The following GOLM2 variants were observed in gnomAD, a reference collection of about 807,000 sequenced individuals.
GOLM2 encodes golgi membrane protein 2.
GOLM2 carries 26 observed loss-of-function variants against 55.9 expected under a neutral mutation model. The observed-to-expected ratio is 0.47, with a 90% confidence interval of 0.34 to 0.65. The LOEUF (loss-of-function observed/expected upper bound fraction) is 0.65, where lower values mean the gene tolerates loss of function less well. GOLM2 is among the 30% of genes least tolerant of loss of function. The probability of loss-of-function intolerance (pLI) is 0.01; values close to 1 mark genes in which losing one functional copy is unlikely to be tolerated. For synonymous variants in GOLM2, 165 were observed against 194.6 expected, an observed-to-expected ratio of 0.85 and a Z score of 1.27; for missense variants, 486 against 531.8, an observed-to-expected ratio of 0.91 and a Z score of 0.85.
chr15:44,328,726 G>T lies in GOLM2; in HGVS notation c.424G>T (p.Asp142Tyr). The change falls in exon 3 of 10, where the codon GAC (aspartate) becomes TAC (tyrosine). Residue 142 changes from aspartate to tyrosine, a missense_variant. Transcript: ENST00000299957. Reference sequence around the variant, plus strand: ...TCGTCAGGAATTTCTTCGACAAGAAGACCAGCTTCAGGACTATAGGAAGAA... The same window carrying T: ...TCGTCAGGAATTTCTTCGACAAGAATACCAGCTTCAGGACTATAGGAAGAA... ...ELRQEFLRQEDQLQDYRKNNT... is the reference protein window; with the variant it reads ...ELRQEFLRQEYQLQDYRKNNT... 6.2e-7 allele frequency: 1 copy of T among 1,613,360 alleles called. No homozygotes were observed. Among genetic ancestry groups the T allele is most frequent in the South Asian group, 1.1e-5 (1 of 90,874 alleles).
At chr15:44,395,730 C>A (rs575704839) in intron 8 of GOLM2, among the ~76,000 whole-genome samples, 1 of 151,910 alleles carries the variant, frequency 6.6e-6, no homozygotes, top group African/African-American at 2.4e-5. Context: ...GTCCCACCTA[C>A]TCAGGAGGCT....
chr15:44,373,566 C>T (rs2141187774), intron 6 of GOLM2, among the ~76,000 whole-genome samples: 1 of 147,210 alleles, frequency 6.8e-6, no homozygotes, highest in African/African-American at 2.5e-5. Context: ...CCAGCCTAGC[C>T]AACATGGTGA....
intron 1 of GOLM2, among the ~76,000 whole-genome samples, chr15:44,313,684 G>C (rs1006068365): frequency 6.6e-5 from 10 of 152,088 alleles, no homozygotes; most frequent in African/African-American, 2.4e-4. Context: ...TTTGTGACTG[G>C]CTGACTGACT....
intron 6 of GOLM2, among the ~76,000 whole-genome samples, chr15:44,359,932 A>T (rs1698908522): frequency 6.6e-6 from 1 of 152,054 alleles, no homozygotes. Context: ...TCAACCCAGA[A>T]TTTCATATCC....
At chr15:44,382,340 CT>C (rs1469478890) in intron 8 of GOLM2, 1 of 151,772 alleles carries the variant, frequency 6.6e-6, no homozygotes, top group African/African-American at 2.4e-5. Context: ...TGGAGTCTCA[CT>C]CTGTCACCCA....
intron 6 of GOLM2, among the ~76,000 whole-genome samples, chr15:44,378,019 A>G (rs1233983905): frequency 1.3e-5 from 2 of 149,270 alleles, no homozygotes; most frequent in Non-Finnish European, 3.0e-5. Context: ...AAGTATATAT[A>G]TATATTTTTT....
intron 1 of GOLM2, among the ~76,000 whole-genome samples, chr15:44,292,182 T>TAC (rs2078725065): frequency 6.8e-6 from 1 of 147,374 alleles, no homozygotes; most frequent in South Asian, 2.1e-4. Flanking sequence ...TGTGTATACA[T>TAC]ACATATATAT....
intron 6 of GOLM2, 67 bp from the exon 7 acceptor site, chr15:44,379,618 GTTTTT>G (rs559031072): frequency 4.4e-5 from 19 of 428,308 alleles, no homozygotes; most frequent in East Asian, 8.8e-5. Flanking sequence ...ATTCACGGTG[GTTTTT>G]TTTTTTTTTT....
chr15:44,395,433 C>T (rs769392169), intron 8 of GOLM2, among the ~76,000 whole-genome samples: 4 of 151,798 alleles, frequency 2.6e-5, no homozygotes, highest in Non-Finnish European at 4.4e-5. Context: ...TTAAAATATA[C>T]GGCCTAGTTT....
chr15:44,392,207 T>C (rs898541303), intron 8 of GOLM2, among the ~76,000 whole-genome samples: 1 of 151,732 alleles, frequency 6.6e-6, no homozygotes. Context: ...TTTCAGAGAA[T>C]TGAAAAGGAA....
chr15:44,400,577 T>G (rs78851975), intron 8 of GOLM2, among the ~76,000 whole-genome samples: 1 of 124,704 alleles, frequency 8.0e-6, no homozygotes, highest in African/African-American at 3.5e-5. Context: ...TTGCCGCCTT[T>G]TTTTTTTTTT....
chr15:44,306,346 C>T (rs7162802), intron 1 of GOLM2, among the ~76,000 whole-genome samples: 7,872 of 151,972 alleles, frequency 0.052, 329 homozygotes, highest in East Asian at 0.19. Context: ...TGCTGGCTTC[C>T]GACTTTTCTT....
intron 1 of GOLM2, among the ~76,000 whole-genome samples, chr15:44,300,055 G>T (rs1360663111): frequency 6.7e-6 from 1 of 149,364 alleles, no homozygotes; most frequent in Non-Finnish European, 1.5e-5. Flanking sequence ...AGCTATGATT[G>T]TGCCACTGTG....
intron 9 of GOLM2, among the ~76,000 whole-genome samples, chr15:44,413,022 C>T (rs944328123): frequency 9.2e-5 from 14 of 151,434 alleles, no homozygotes; most frequent in African/African-American, 3.4e-4. Flanking sequence ...AAAAAGACTA[C>T]ATTTATATAA....
intron 1 of GOLM2, among the ~76,000 whole-genome samples, chr15:44,292,353 T>G (rs1452359832): frequency 5.3e-5 from 8 of 151,500 alleles, no homozygotes; most frequent in South Asian, 4.2e-4. Flanking sequence ...CCCACCTCCA[T>G]GCCCGGCTAA....
At chr15:44,311,386 T>A (rs190548419) in intron 1 of GOLM2, among the ~76,000 whole-genome samples, 2 of 152,106 alleles carry the variant, frequency 1.3e-5, no homozygotes, top group Admixed American at 6.5e-5. Context: ...CCAGGCACCA[T>A]AACTTTAATG....
intron 8 of GOLM2, among the ~76,000 whole-genome samples, chr15:44,388,206 G>A (rs780335176): frequency 1.4e-5 from 2 of 147,942 alleles, no homozygotes; most frequent in Non-Finnish European, 3.0e-5. Flanking sequence ...CCTGGGAGGC[G>A]GAGGTTGCAG....
chr15:44,403,766 G>A (rs1002679120), intron 9 of GOLM2, among the ~76,000 whole-genome samples: 7 of 151,954 alleles, frequency 4.6e-5, no homozygotes, highest in Non-Finnish European at 8.8e-5. Flanking sequence ...TAGCTTTTTC[G>A]TTATAAGGAA....
At chr15:44,321,669 T>C (rs937663149) in intron 1 of GOLM2, among the ~76,000 whole-genome samples, 1 of 152,128 alleles carries the variant, frequency 6.6e-6, no homozygotes, top group African/African-American at 2.4e-5. Context: ...GATGCACCCA[T>C]TGTGGGAAAT....
Sources: gnomAD v4.1 joint callset for allele counts (sites outside exome capture counted in the v4.1 genomes callset) on GRCh38, gnomAD v4.1.1 for gene constraint, MANE v1.5 for transcripts, NCBI Gene and HGNC (gene_info 2026-07-23, HGNC 2026-07-21) for gene names.